The following CALN1 variants were observed in gnomAD, a reference collection of about 807,000 sequenced individuals.
The protein encoded by CALN1 is calcium-binding protein 8.
Under a neutral mutation model 30.6 loss-of-function variants are expected in CALN1, and 17 were observed. The observed-to-expected ratio is 0.56, with a 90% CI of 0.38 to 0.83. The LOEUF is 0.83. Ranked by LOEUF, CALN1 falls within the 40% of genes least tolerant of loss-of-function variation. CALN1 has a pLI of 0.00. For missense variants in CALN1, 291 were observed against 354.9 expected (o/e 0.82, Z 1.45); for synonymous variants, 156 against 131.4 (o/e 1.19, Z -1.28).
chr7:72,036,846 C>T (rs543960448), intron 4 of CALN1, among the ~76,000 whole-genome samples: 23 of 148,204 alleles, frequency 1.6e-4, no homozygotes, highest in South Asian at 1.5e-3. Flanking sequence ...TTCTTTTATG[C>T]TTTGTGATTT....
Position 72,278,012 on chromosome 7 carries a change from G to GT in CALN1, c.244+673_244+674insA, listed in dbSNP as rs1554348537. On this transcript the variant is annotated intron_variant, in intron 3 of 6. Coordinates refer to ENST00000395275, the MANE Select transcript of CALN1 (RefSeq NM_031468.4). ...AATCAACCTAATCCTCTATTCCGGG[G>GT]GGGGGGGACTTGTTTTTCCTATTTT... 2.9e-5 allele frequency among the ~76,000 whole-genome samples: 4 copies of GT among 138,766 alleles called. No individual in the cohort carries two copies. In the East Asian group the frequency reaches 8.3e-4, roughly 29 times the overall value. The allele number at this position is 138,766 out of a possible 152,430, so 91.0% of individuals were successfully genotyped here. A position where few individuals can be genotyped will look rare whatever the true frequency, so the allele number is the denominator to read the frequency against.
chr7:71,787,631 A>C lies in CALN1; in HGVS notation c.*144T>G, dbSNP rs1793049264. On this transcript the variant is annotated 3_prime_UTR_variant, in exon 7 of 7. Transcript: ENST00000395275. ...TGAAGTGCAACCCCAGTTGCACTCA[A>C]CCTTGGGTTCTTTACTGAACGGTTC... The C allele has an allele frequency of 8.2e-7, 1 of 1,215,764 alleles. No homozygotes were observed. Among genetic ancestry groups the C allele is most frequent in the Non-Finnish European group, 1.1e-6 (1 of 892,328 alleles). The allele number at this position is 1,215,764 out of a possible 1,614,324, so 75.3% of individuals were successfully genotyped here.
intron 2 of CALN1, among the ~76,000 whole-genome samples, chr7:72,367,548 A>G (rs964694196): frequency 6.6e-6 from 1 of 152,122 alleles, no homozygotes; most frequent in Non-Finnish European, 1.5e-5. Context: ...TGGCTTGGGC[A>G]CAGTATTTCA....
At chr7:72,279,755 T>C (rs887812936) in intron 2 of CALN1, among the ~76,000 whole-genome samples, 6 of 152,232 alleles carry the variant, frequency 3.9e-5, no homozygotes, top group African/African-American at 1.2e-4. Context: ...GCATAGCTCC[T>C]GGCCCAACTT....
intron 3 of CALN1, among the ~76,000 whole-genome samples, chr7:72,231,011 G>C (rs937815497): frequency 6.6e-6 from 1 of 152,138 alleles, no homozygotes; most frequent in Non-Finnish European, 1.5e-5. Flanking sequence ...CCCCACCTGG[G>C]GGCATGAATC....
intron 3 of CALN1, among the ~76,000 whole-genome samples, chr7:72,114,651 T>C (rs35509687): frequency 0.25 from 38,660 of 151,838 alleles, 5,881 homozygotes; most frequent in East Asian, 0.69. Context: ...TTAGGAAACA[T>C]AGAGGTGAAA....
At chr7:72,247,328 A>C (rs1247559717) in intron 3 of CALN1, among the ~76,000 whole-genome samples, 1 of 133,000 alleles carries the variant, frequency 7.5e-6, no homozygotes, top group Admixed American at 9.0e-5. Context: ...GGCTCACTGC[A>C]AGTTCCGCCT....
rs200979816 is a variant in CALN1 at position 71,810,364 on chromosome 7, C to T, written c.630G>A (p.Ser210=). The T allele has an allele frequency of 2.0e-4, 326 of 1,613,918 alleles. 1 individual carries two copies. Among genetic ancestry groups the T allele is most frequent in the Non-Finnish European group, 2.6e-4 (311 of 1,179,978 alleles). The change falls in exon 6 of 7, where the codon TCG becomes TCA. Residue 210 remains serine (S), a synonymous_variant. Coordinates refer to ENST00000395275, the MANE Select transcript of CALN1 (RefSeq NM_031468.4). ...INEEESLNET[S]GNCQTEFEGV... ...CTTCAAACTCTGTTTGGCAGTTCCC[C>T]GAGGTCTCATTCAGGCTCTCTTCCT...
At chr7:72,257,703 A>G (rs1796005613) in intron 3 of CALN1, among the ~76,000 whole-genome samples, 1 of 152,222 alleles carries the variant, frequency 6.6e-6, no homozygotes, top group Non-Finnish European at 1.5e-5. Context: ...AAAATGTGGA[A>G]CCGACCTCAA....
intron 4 of CALN1, among the ~76,000 whole-genome samples, chr7:72,081,775 G>A (rs555162821): frequency 4.6e-4 from 70 of 152,174 alleles, no homozygotes; most frequent in African/African-American, 1.5e-3. Context: ...CATCCAGATG[G>A]CTTCTTAATT....
chr7:72,220,560 T>C (rs1332191858), intron 3 of CALN1, among the ~76,000 whole-genome samples: 2 of 152,176 alleles, frequency 1.3e-5, no homozygotes, highest in Non-Finnish European at 1.5e-5. Flanking sequence ...ATATACCCAG[T>C]AATGGGATGG....
At chr7:71,884,500 C>T (rs925037377) in intron 5 of CALN1, among the ~76,000 whole-genome samples, 1 of 151,284 alleles carries the variant, frequency 6.6e-6, no homozygotes, top group African/African-American at 2.4e-5. Context: ...ACCATGAGGT[C>T]ACCATATTCC....
Position 72,308,375 on chromosome 7 carries a change from GAGAGAGA to G in CALN1, c.120-29572_120-29566del, listed in dbSNP as rs1562868314. Among the ~76,000 whole-genome samples the G allele has an allele frequency of 1.9e-3, 56 of 29,904 alleles. 1 individual carries two copies. The highest frequency in any genetic ancestry group is 6.1e-3 in the African/African-American group (49 of 8,046). 19.6% of individuals were successfully genotyped at this position (29,904 alleles called of 152,430 possible). On this transcript the variant is annotated intron_variant, in intron 2 of 6. Transcript: ENST00000395275. ...TGAGATGCTGTCTGTGGGGGGGGGA[GAGAGAGA>G]GAGAGAGAGAGAGAGAGAGAGAGGA...
At chr7:71,896,089 G>C (rs574337845) in intron 5 of CALN1, among the ~76,000 whole-genome samples, 1 of 152,170 alleles carries the variant, frequency 6.6e-6, no homozygotes, top group South Asian at 2.1e-4. Flanking sequence ...TTCTACAAAG[G>C]GCACCAATTA....
chr7:72,461,907 C>T, the CALN1 span, among the ~76,000 whole-genome samples: 4 of 151,892 alleles, frequency 2.6e-5, no homozygotes, highest in African/African-American at 4.8e-5. Context: ...ACTAGGGAGG[C>T]GGAGGCAGGA....
the CALN1 span, among the ~76,000 whole-genome samples, chr7:72,462,052 T>C: frequency 1.3e-5 from 2 of 152,092 alleles, no homozygotes; most frequent in African/African-American, 2.4e-5. Context: ...CTTTGCGCTT[T>C]GGAGTTTCTT....
At chr7:72,086,790 T>A (rs1805512741) in intron 4 of CALN1, among the ~76,000 whole-genome samples, 1 of 152,052 alleles carries the variant, frequency 6.6e-6, no homozygotes. Flanking sequence ...AATAAAAAAA[T>A]AGTCAAACTT....
At chr7:72,255,988 A>G (rs1455006715) in intron 3 of CALN1, among the ~76,000 whole-genome samples, 3 of 152,152 alleles carry the variant, frequency 2.0e-5, no homozygotes, top group African/African-American at 4.8e-5. Flanking sequence ...TCGGCCTCCC[A>G]AGGTGCTGGG....
intron 5 of CALN1, among the ~76,000 whole-genome samples, chr7:71,813,684 C>T (rs1188128968): frequency 1.3e-5 from 2 of 152,128 alleles, no homozygotes; most frequent in Non-Finnish European, 2.9e-5. Context: ...CATCCTAGCA[C>T]TTTGGGAGGC....
Sources: gnomAD v4.1 joint callset for allele counts (sites outside exome capture counted in the v4.1 genomes callset) on GRCh38, gnomAD v4.1.1 for gene constraint, MANE v1.5 for transcripts, NCBI Gene and HGNC (gene_info 2026-07-23, HGNC 2026-07-21) for gene names.